RSRC1: variants seen among roughly 807,000 people sequenced by gnomAD.
The protein encoded by RSRC1 is serine/Arginine-related protein 53.
Under a neutral mutation model 49.1 loss-of-function variants are expected in RSRC1, and 39 were observed. The ratio of observed to expected loss-of-function variants is 0.79; its 90% CI spans 0.61 to 1.04. The LOEUF is 1.04. RSRC1 is among the 50% of genes least tolerant of loss of function. RSRC1 has a pLI of 0.00. For synonymous variants in RSRC1, 143 were observed against 130.8 expected, an observed-to-expected ratio of 1.09 and a Z score of -0.63; for missense variants, 388 against 402.4, an observed-to-expected ratio of 0.96 and a Z score of 0.31.
intron 4 of RSRC1, among the ~76,000 whole-genome samples, chr3:158,207,662 T>TAGATAGATAGATAGAGAC (rs55689613): frequency 6.7e-6 from 1 of 148,948 alleles, no homozygotes; most frequent in South Asian, 2.2e-4. Context: ...GATAGATAGA[T>TAGATAGATAGATAGAGAC]AGACAGAGAG....
rs1281567782 is a variant in RSRC1 at position 158,124,518 on chromosome 3, G to T, written c.320+527G>T. On this transcript the variant is annotated intron_variant, in intron 3 of 9. Coordinates refer to ENST00000611884, the MANE Select transcript of RSRC1 (RefSeq NM_001271838.2). The stretch of plus-strand genomic sequence containing the variant: ...GACATTAATTTCTTTTTAAATGTTT[G>T]GTGGAATTCTGCAGTGAAGCTATCT... Among the ~76,000 whole-genome samples the T allele has an allele frequency of 2.6e-5, 4 of 152,030 alleles. 1 individual carries two copies. The highest frequency in any genetic ancestry group is 9.7e-5 in the African/African-American group (4 of 41,390).
chr3:158,435,984 CAG>C (rs1736020941), intron 6 of RSRC1, among the ~76,000 whole-genome samples: 1 of 151,764 alleles, frequency 6.6e-6, no homozygotes, highest in Non-Finnish European at 1.5e-5. Context: ...TGATAAATCT[CAG>C]AATGTCCTTT....
chr3:158,435,101 T>A (rs191885853), intron 6 of RSRC1, among the ~76,000 whole-genome samples: 10 of 152,018 alleles, frequency 6.6e-5, no homozygotes, highest in African/African-American at 2.4e-4. Context: ...ATGAAAATAG[T>A]AATGTTGTGT....
At chr3:158,522,082 A>G (rs62287897) in intron 7 of RSRC1, among the ~76,000 whole-genome samples, 43,518 of 151,986 alleles carry the variant, frequency 0.29, 6,725 homozygotes, top group South Asian at 0.41. Flanking sequence ...TTCTTGAAGT[A>G]GAATTTTTTA....
intron 4 of RSRC1, chr3:158,275,669 C>T: frequency 2.5e-6 from 1 of 392,900 alleles, no homozygotes; most frequent in East Asian, 8.1e-5. Context: ...TGTCTTCAAA[C>T]ATTATTGCAC....
At chr3:158,353,995 C>CTTTTTTTTTT (rs1230649090) in intron 5 of RSRC1, among the ~76,000 whole-genome samples, 123 of 96,304 alleles carry the variant, frequency 1.3e-3, no homozygotes, top group East Asian at 4.1e-3. Context: ...GTTTCTTTTT[C>CTTTTTTTTTT]TTTTTTTTTT....
At chr3:158,409,485 T>C (rs1394398368) in intron 6 of RSRC1, among the ~76,000 whole-genome samples, 1 of 152,196 alleles carries the variant, frequency 6.6e-6, no homozygotes, top group African/African-American at 2.4e-5. Context: ...TTGCTTTATT[T>C]TTCTTTATCA....
intron 6 of RSRC1, among the ~76,000 whole-genome samples, chr3:158,459,706 C>T (rs929577665): frequency 2.6e-5 from 4 of 151,840 alleles, no homozygotes; most frequent in Non-Finnish European, 5.9e-5. Flanking sequence ...TAGATTCTTG[C>T]AATGATATGG....
chr3:158,345,208 C>T (rs941301615), intron 5 of RSRC1, among the ~76,000 whole-genome samples: 9 of 146,648 alleles, frequency 6.1e-5, no homozygotes, highest in African/African-American at 1.5e-4. Flanking sequence ...GTGTGGGCGA[C>T]AGAGCAAGAT....
At chr3:158,226,567 C>T (rs1310182028) in intron 4 of RSRC1, among the ~76,000 whole-genome samples, 1 of 151,924 alleles carries the variant, frequency 6.6e-6, no homozygotes, top group Non-Finnish European at 1.5e-5. Flanking sequence ...CTTTCTCAAT[C>T]TGTGTGCCCT....
At chr3:158,466,084 A>G (rs1384490038) in intron 7 of RSRC1, among the ~76,000 whole-genome samples, 1 of 152,166 alleles carries the variant, frequency 6.6e-6, no homozygotes, top group African/African-American at 2.4e-5. Context: ...CCTTAGATTC[A>G]GTTTTTTCTA....
chr3:158,462,589 T>C (rs557263337), intron 7 of RSRC1, among the ~76,000 whole-genome samples: 2 of 151,912 alleles, frequency 1.3e-5, no homozygotes, highest in Admixed American at 6.6e-5. Flanking sequence ...GATTTGTTTT[T>C]ATGAAAAAAA....
intron 3 of RSRC1, among the ~76,000 whole-genome samples, chr3:158,195,790 C>T (rs1720565976): frequency 1.3e-5 from 2 of 152,158 alleles, no homozygotes; most frequent in African/African-American, 4.8e-5. Flanking sequence ...TCAGTTTGGT[C>T]AAACATCAGA....
At chr3:158,300,133 A>G (rs1357604089) in intron 5 of RSRC1, among the ~76,000 whole-genome samples, 1 of 152,204 alleles carries the variant, frequency 6.6e-6, no homozygotes, top group East Asian at 1.9e-4. Flanking sequence ...TTCAAAGATA[A>G]GCATTTTGGG....
At chr3:158,512,513 T>C (rs1040761175) in intron 7 of RSRC1, among the ~76,000 whole-genome samples, 3 of 152,386 alleles carry the variant, frequency 2.0e-5, no homozygotes, top group African/African-American at 7.2e-5. Flanking sequence ...TTTTGTTTAC[T>C]GTAGCCTTAT....
At chr3:158,405,199 T>C (rs907578079) in intron 6 of RSRC1, among the ~76,000 whole-genome samples, 1 of 152,066 alleles carries the variant, frequency 6.6e-6, no homozygotes, top group Non-Finnish European at 1.5e-5. Flanking sequence ...TGCTTGTTTG[T>C]TGGGACCTCC....
chr3:158,225,780 G>A, intron 4 of RSRC1: 1 of 409,558 alleles, frequency 2.4e-6, no homozygotes, highest in Non-Finnish European at 4.8e-6. Flanking sequence ...ACATTCAGTA[G>A]AACATTAATT....
At chr3:158,350,054 T>G (rs1031454060) in intron 5 of RSRC1, among the ~76,000 whole-genome samples, 1 of 151,574 alleles carries the variant, frequency 6.6e-6, no homozygotes, top group African/African-American at 2.4e-5. Flanking sequence ...TTTAAGGGAG[T>G]CATATTTATA....
chr3:158,245,723 T>C (rs1406404399), intron 4 of RSRC1, among the ~76,000 whole-genome samples: 1 of 152,208 alleles, frequency 6.6e-6, no homozygotes, highest in Non-Finnish European at 1.5e-5. Flanking sequence ...TGCATATGTA[T>C]GTAGGATAGT....
Sources: gnomAD v4.1 joint callset for allele counts (sites outside exome capture counted in the v4.1 genomes callset) on GRCh38, gnomAD v4.1.1 for gene constraint, MANE v1.5 for transcripts, NCBI Gene and HGNC (gene_info 2026-07-23, HGNC 2026-07-21) for gene names.